The following CHGA variants were observed in gnomAD, a reference collection of about 807,000 sequenced individuals.
CHGA encodes the protein chromogranin-A.
A neutral mutation model predicts 54.4 loss-of-function variants in CHGA; 41 were observed. The observed-to-expected ratio is 0.75, with a 90% CI of 0.59 to 0.98. CHGA has a LOEUF of 0.98. Among genes scored for constraint, CHGA ranks in the 50% least tolerant of loss-of-function variants. The pLI is 0.00. For synonymous variants in CHGA, 249 were observed against 232.8 expected, an observed-to-expected ratio of 1.07 and a Z score of -0.63; for missense variants, 576 against 582.3, an observed-to-expected ratio of 0.99 and a Z score of 0.11.
At chr14:92,928,822 G>A (rs997246802) in intron 4 of CHGA, among the ~76,000 whole-genome samples, 10 of 152,090 alleles carry the variant, frequency 6.6e-5, no homozygotes, top group East Asian at 5.8e-4. Context: ...CCGTCTATCC[G>A]TCCACTCCCT....
intron 5 of CHGA, among the ~76,000 whole-genome samples, chr14:92,930,454 G>C (rs890453814): frequency 1.3e-5 from 2 of 152,222 alleles, no homozygotes. Flanking sequence ...ATCTGGGGCT[G>C]AAAGGGAAAG....
chr14:92,929,667 T>C (rs1886955482), intron 4 of CHGA, 50 bp from the exon 5 acceptor site: 1 of 1,545,058 alleles, frequency 6.5e-7, no homozygotes, highest in Non-Finnish European at 8.9e-7. Context: ...TATAGACAAA[T>C]ATGCCACAGC....
intron 7 of CHGA, chr14:92,933,168 T>G: frequency 4.2e-6 from 1 of 240,330 alleles, no homozygotes; most frequent in Non-Finnish European, 8.0e-6. Context: ...CCGTGTCCCC[T>G]CCTGGCCCCC....
rs2139671273 is a variant in CHGA, at chr14:92,929,611, C to T, written c.257-106C>T. The T allele has an allele frequency of 3.0e-6, 3 of 985,524 alleles. No individual in the cohort carries two copies. In the East Asian group the frequency reaches 7.4e-5, roughly 24 times the overall value. 61.0% of individuals were successfully genotyped at this position (985,524 alleles called of 1,614,324 possible). ...AGTGTCTCATTGGGCAGGCCCTGAACATGATGTGCCCAGCTTACAGATGGG... is the reference window on the plus strand; with the variant it reads ...AGTGTCTCATTGGGCAGGCCCTGAATATGATGTGCCCAGCTTACAGATGGG... On this transcript the variant is annotated intron_variant, in intron 4 of 7. Coordinates refer to ENST00000216492, the MANE Select transcript of CHGA (RefSeq NM_001275.4).
Position 92,932,076 on chromosome 14 carries a change from A to C in CHGA, c.809-294A>C. 4 of 429,616 alleles carry C rather than the reference A, an allele frequency of 9.3e-6. No homozygotes were observed. Among genetic ancestry groups the C allele is most frequent in the African/African-American group, 2.0e-5 (1 of 50,566 alleles). The allele number at this position is 429,616 out of a possible 1,614,324, so 26.6% of individuals were successfully genotyped here. Reference sequence around the variant, plus strand: ...TCTGGGAACAGTGTCAGCTTCAACTACGGTTTAGGAGAGGCCCTGGCTCCC... The same window carrying C: ...TCTGGGAACAGTGTCAGCTTCAACTCCGGTTTAGGAGAGGCCCTGGCTCCC... On this transcript the variant is annotated intron_variant, in intron 6 of 7. Coordinates refer to ENST00000216492, the MANE Select transcript of CHGA (RefSeq NM_001275.4). The surrounding 1 kb of genome is among the most constrained non-coding windows in gnomAD (Gnocchi z 5.3).
chr14:92,931,902 TG>T (rs149865509), intron 6 of CHGA, among the ~76,000 whole-genome samples, 200 bp downstream of exon 6: 33,724 of 151,962 alleles, frequency 0.22, 3,864 homozygotes, highest in East Asian at 0.39. Flanking sequence ...TAGCAAAAGC[TG>T]AGGTTCTACC....
intron 1 of CHGA, 84 bp downstream of exon 1, chr14:92,923,489 AC>A: frequency 8.8e-7 from 1 of 1,133,772 alleles, no homozygotes; most frequent in Non-Finnish European, 1.1e-6. Context: ...GGCGCCCCGC[AC>A]CCCTCCACAC....
Position 92,931,538 on chromosome 14 carries a change from A to G in CHGA, c.644A>G (p.Lys215Arg), listed in dbSNP as rs1372178772. ...GLSQGLVDREKGLSAEPGWQA... is the reference protein window; with the variant it reads ...GLSQGLVDRERGLSAEPGWQA... ...TCTCAGGGTCTGGTGGACAGAGAGAAGGGCCTGAGTGCAGAGCCAGGGTGG... is the reference window on the plus strand; with the variant it reads ...TCTCAGGGTCTGGTGGACAGAGAGAGGGGCCTGAGTGCAGAGCCAGGGTGG... The change falls in exon 6 of 8, where the codon AAG (lysine) becomes AGG (arginine). Residue 215 changes from lysine to arginine, a missense_variant. Lys to Arg is a conservative substitution (Grantham distance 26, BLOSUM62 2). Transcript: ENST00000216492. The G allele has an allele frequency of 6.2e-7, 1 of 1,612,898 alleles. No homozygotes were observed. Among genetic ancestry groups the G allele is most frequent in the Non-Finnish European group, 8.5e-7 (1 of 1,179,830 alleles).
chr14:92,931,558 G>C lies in CHGA; in HGVS notation c.664G>C (p.Gly222Arg). 6.2e-7 allele frequency: 1 copy of C among 1,613,138 alleles called. No homozygotes were observed. Among genetic ancestry groups the C allele is most frequent in the South Asian group, 1.1e-5 (1 of 91,026 alleles). ...AGAGAAGGGCCTGAGTGCAGAGCCA[G>C]GGTGGCAGGCAAAGAGAGAAGAGGA... ...DREKGLSAEP[G>R]WQAKREEEEE... is the part of the protein sequence containing the mutation. Residue 222 changes from glycine (G) to arginine (R), a missense_variant, in exon 6 of 8, where the codon GGG (glycine) becomes CGG (arginine). Gly to Arg is a moderately radical substitution (Grantham distance 125). Transcript: ENST00000216492.
Position 92,926,656 on chromosome 14 carries a change from C to T in CHGA, c.145C>T (p.Pro49Ser). 6.2e-7 allele frequency: 1 copy of T among 1,614,024 alleles called. No homozygotes were observed. Among genetic ancestry groups the T allele is most frequent in the East Asian group, 2.2e-5 (1 of 44,890 alleles). Residue 49 changes from proline (P) to serine (S), a missense_variant, in exon 3 of 8, where the codon CCC (proline) becomes TCC (serine). Pro to Ser is a moderately conservative substitution (Grantham distance 74). Transcript: ENST00000216492. ...VISDTLSKPS[P>S]MPVSQECFET... ...CTCCGACACACTTTCCAAGCCCAGC[C>T]CCATGCCTGTCAGCCAGGAATGTTT...
rs729940 is a variant in CHGA, at chr14:92,932,756, C to A, written c.1195C>A (p.Arg399=). 1.2e-6 allele frequency: 2 copies of A among 1,605,584 alleles called. No individual in the cohort carries two copies. The highest frequency in any genetic ancestry group is 1.1e-5 in the South Asian group (1 of 89,562). ...GCGACGAGGCTGGAGGCCATCCTCC[C>A]GGGAGGACAGCCTTGAGGCGGGCCT... The part of the protein sequence containing the change: ...QLRRGWRPSS[R]EDSLEAGLPL... The change falls in exon 7 of 8, where the codon CGG becomes AGG. Residue 399 remains arginine, a synonymous_variant. Coordinates refer to ENST00000216492, the MANE Select transcript of CHGA (RefSeq NM_001275.4). The surrounding 1 kb of genome is among the most constrained non-coding windows in gnomAD (Gnocchi z 5.3).
intron 5 of CHGA, 109 bp downstream of exon 5, chr14:92,929,924 C>G: frequency 1.3e-6 from 1 of 789,300 alleles, no homozygotes; most frequent in Non-Finnish European, 2.1e-6. Flanking sequence ...CCCATAATCC[C>G]TTATTTCCCT....
At position 92,923,300 on chromosome 14, in the gene CHGA, C is replaced by G. The variant is rs1297978789; in HGVS notation, c.-60C>G. On this transcript the variant is annotated 5_prime_UTR_variant, in exon 1 of 8. Coordinates refer to ENST00000216492, the MANE Select transcript of CHGA (RefSeq NM_001275.4). The stretch of plus-strand genomic sequence containing the variant: ...ACCCCGGCCGCCAGTCCAGCCGCCC[C>G]TCGCCCGGTGCCTAGGTGCCCGGCC... 1.0e-5 allele frequency: 13 copies of G among 1,285,132 alleles called. No individual in the cohort carries two copies. In the East Asian group the frequency reaches 3.9e-4, roughly 38 times the overall value. The allele number at this position is 1,285,132 out of a possible 1,614,324, so 79.6% of individuals were successfully genotyped here.
Position 92,933,032 on chromosome 14 carries a change from A to C in CHGA, c.1290+181A>C, listed in dbSNP as rs1887045700. ...GAGAACACCCCAGCTCACAGGGGGC[A>C]CCCAGCAAAGCTGGCTGGGAGATGG... On this transcript the variant is annotated intron_variant, in intron 7 of 7. Transcript: ENST00000216492. 10 of 917,846 alleles carry C rather than the reference A, an allele frequency of 1.1e-5. No individual in the cohort carries two copies. The East Asian group carries it at 2.8e-4, about 26-fold the overall frequency. The allele number at this position is 917,846 out of a possible 1,614,324, so 56.9% of individuals were successfully genotyped here.
intron 2 of CHGA, chr14:92,926,307 G>T (rs903719192): frequency 1.0e-5 from 4 of 390,926 alleles, no homozygotes; most frequent in African/African-American, 7.9e-5. Context: ...GGGATGAGAA[G>T]GTACCAGGTA....
chr14:92,924,480 A>C (rs922118516), intron 2 of CHGA, among the ~76,000 whole-genome samples: 2 of 152,206 alleles, frequency 1.3e-5, no homozygotes, highest in Non-Finnish European at 2.9e-5. Flanking sequence ...AGAGGCCTGC[A>C]TCTTACCTGC....
Position 92,935,099 on chromosome 14 carries a change from A to C in CHGA, c.*215A>C. ...AACATCCTTTGCAGGGCAGCCCCACAACTTTAAACATTGACGATTCCTTCT... is the reference window on the plus strand; with the variant it reads ...AACATCCTTTGCAGGGCAGCCCCACCACTTTAAACATTGACGATTCCTTCT... On this transcript the variant is annotated 3_prime_UTR_variant, in exon 8 of 8. Coordinates refer to ENST00000216492, the MANE Select transcript of CHGA (RefSeq NM_001275.4). 2.0e-6 allele frequency: 1 copy of C among 510,820 alleles called. No individual in the cohort carries two copies. The highest frequency in any genetic ancestry group is 3.4e-6 in the Non-Finnish European group (1 of 294,074). 31.6% of individuals were successfully genotyped at this position (510,820 alleles called of 1,614,324 possible).
chr14:92,934,046 C>T (rs1224687659), intron 7 of CHGA, among the ~76,000 whole-genome samples: 1 of 152,196 alleles, frequency 6.6e-6, no homozygotes, highest in Admixed American at 6.5e-5. Context: ...ATGTCGGGGT[C>T]CCTGGGCCAG....
intron 4 of CHGA, among the ~76,000 whole-genome samples, chr14:92,928,778 C>G (rs1456128741): frequency 2.0e-5 from 3 of 152,168 alleles, no homozygotes; most frequent in African/African-American, 7.2e-5. Context: ...TGACTATTTT[C>G]CATTAACAGA....
Sources: allele counts gnomAD v4.1 joint callset (sites outside exome capture counted in the v4.1 genomes callset), GRCh38; gene constraint gnomAD v4.1.1; non-coding constraint Gnocchi (gnomAD v3.1); transcripts MANE v1.5; gene names NCBI Gene and HGNC (gene_info 2026-07-23, HGNC 2026-07-21).